Variants in RBM6 observed in about 807,000 individuals in gnomAD.
The protein encoded by RBM6 is RNA-binding protein 6.
A neutral mutation model predicts 140.4 loss-of-function variants in RBM6; 23 were observed. The observed-to-expected ratio is 0.16, with a 90% confidence interval of 0.12 to 0.23. The LOEUF (loss-of-function observed/expected upper bound fraction) is 0.23, where lower values mean the gene tolerates loss of function less well. RBM6 is among the 10% of genes least tolerant of loss of function. The pLI, the probability that RBM6 is intolerant of heterozygous loss-of-function variation, is 1.00. For missense variants in RBM6, 1,139 were observed against 1,386.7 expected (o/e 0.82, Z 2.84); for synonymous variants, 439 against 475.6 (o/e 0.92, Z 1.00).
intron 17 of RBM6, among the ~76,000 whole-genome samples, chr3:50,067,151 C>A (rs1228947430): frequency 1.4e-5 from 2 of 141,548 alleles, no homozygotes; most frequent in Non-Finnish European, 3.0e-5. Context: ...CACACCACTG[C>A]ACTCCAGCCT....
In RBM6 at chr3:50,058,423, A is replaced by G. The variant is rs890446316; in HGVS notation, c.1991A>G (p.Tyr664Cys). 3.7e-6 allele frequency: 6 copies of G among 1,610,564 alleles called. No homozygotes were observed. Among genetic ancestry groups the G allele is most frequent in the Non-Finnish European group, 5.1e-6 (6 of 1,176,866 alleles). ...TCAGCTATCATGCTAAAGCGTATCTATCGTTCCACACCACCTGAGGTGATA... is the reference window on the plus strand; with the variant it reads ...TCAGCTATCATGCTAAAGCGTATCTGTCGTTCCACACCACCTGAGGTGATA... ...ESKTIMLKRI[Y>C]RSTPPEVIVE... The change falls in exon 10 of 21, where the codon TAT becomes TGT. Residue 664 changes from tyrosine (Y) to cysteine (C), a missense_variant. Transcript: ENST00000266022.
intron 6 of RBM6, among the ~76,000 whole-genome samples, chr3:50,043,771 A>T (rs2089065078): frequency 6.6e-6 from 1 of 151,662 alleles, no homozygotes; most frequent in Non-Finnish European, 1.5e-5. Flanking sequence ...TTTAGTAGAG[A>T]CGGGATTTCA....
In RBM6 at chr3:50,068,671, G is replaced by C. The variant is rs1413098922; in HGVS notation, c.2944-19G>C. On this transcript the variant is annotated intron_variant, in intron 17 of 20. Transcript: ENST00000266022. ...ATTGTTTCTTAGACCTATACTCATA[G>C]AATTGCCTCTCTTCTCAGCAAAACC... 3.7e-6 allele frequency: 6 copies of C among 1,611,608 alleles called. No individual in the cohort carries two copies. Among genetic ancestry groups the C allele is most frequent in the Non-Finnish European group, 5.1e-6 (6 of 1,177,894 alleles).
intron 6 of RBM6, among the ~76,000 whole-genome samples, chr3:50,007,399 C>T (rs2108757110): frequency 1.3e-5 from 2 of 151,864 alleles, no homozygotes; most frequent in African/African-American, 4.8e-5. Context: ...ATTGCCCAGG[C>T]TGATCTCGAA....
At chr3:50,069,333 C>T (rs746998743) in intron 18 of RBM6, among the ~76,000 whole-genome samples, 2 of 151,828 alleles carry the variant, frequency 1.3e-5, no homozygotes, top group Admixed American at 6.6e-5. Context: ...GGCGACATGG[C>T]GAAATCCTAT....
Position 49,967,554 on chromosome 3 carries a change from C to G in RBM6, c.129C>G (p.His43Gln), listed in dbSNP as rs1356802561. Reference sequence around the variant, plus strand: ...TTAAGAGTCATGCTCAAGAGAGACACTCTGGCAACTTTCCTGGCAGAGATT... The same window carrying G: ...TTAAGAGTCATGCTCAAGAGAGACAGTCTGGCAACTTTCCTGGCAGAGATT... ...PPLKSHAQER[H>Q]SGNFPGRDSL... The change falls in exon 3 of 21, where the codon CAC (histidine) becomes CAG (glutamine). Residue 43 changes from histidine (H) to glutamine (Q), a missense_variant. Physicochemically the swap from His to Gln is conservative, Grantham distance 24. This residue lies in a region of RBM6 where 566 missense variants were observed against 612.7 expected (regional missense o/e 0.92). Transcript: ENST00000266022. The surrounding 1 kb of genome is among the most constrained non-coding windows in gnomAD (Gnocchi z 4.0). The G allele has an allele frequency of 1.2e-6, 2 of 1,614,062 alleles. No individual in the cohort carries two copies. Among genetic ancestry groups the G allele is most frequent in the Admixed American group, 3.3e-5 (2 of 59,990 alleles).
chr3:50,008,812 A>G (rs2108761332), intron 6 of RBM6, among the ~76,000 whole-genome samples: 1 of 152,134 alleles, frequency 6.6e-6, no homozygotes. Context: ...TGGCCTTTCA[A>G]AGTGTTGGGA....
At chr3:50,007,784 C>T (rs1414321500) in intron 6 of RBM6, among the ~76,000 whole-genome samples, 3 of 152,144 alleles carry the variant, frequency 2.0e-5, no homozygotes, top group African/African-American at 2.4e-5. Flanking sequence ...CCACCCGCCT[C>T]GGCCTCCCAA....
intron 8 of RBM6, among the ~76,000 whole-genome samples, chr3:50,055,285 A>G (rs963198952): frequency 1.3e-5 from 2 of 152,122 alleles, no homozygotes; most frequent in Admixed American, 6.5e-5. Context: ...AAAATTAGCC[A>G]CAGGTGTGGT....
intron 1 of RBM6, among the ~76,000 whole-genome samples, chr3:49,961,057 A>G (rs2084258432): frequency 6.6e-6 from 1 of 151,782 alleles, no homozygotes; most frequent in South Asian, 2.1e-4. Context: ...GACTACACAT[A>G]GTCATCATGC....
chr3:49,958,164 G>A (rs565687909), intron 1 of RBM6, among the ~76,000 whole-genome samples: 2 of 152,284 alleles, frequency 1.3e-5, no homozygotes, highest in East Asian at 3.9e-4. Context: ...AGTGGCTCAC[G>A]CCTGTAATCC....
intron 6 of RBM6, among the ~76,000 whole-genome samples, chr3:50,039,308 C>T (rs2088729386): frequency 6.6e-6 from 1 of 152,084 alleles, no homozygotes; most frequent in South Asian, 2.1e-4. Flanking sequence ...CACACAATCT[C>T]GGCTCGCTGC....
chr3:49,955,890 G>A (rs1453596096), intron 1 of RBM6, among the ~76,000 whole-genome samples: 4 of 145,508 alleles, frequency 2.7e-5, no homozygotes, highest in Non-Finnish European at 6.1e-5. Context: ...GTGTGTATAT[G>A]TATATATATT....
chr3:50,054,228 C>T, intron 7 of RBM6, 107 bp from the exon 8 acceptor site: 1 of 896,074 alleles, frequency 1.1e-6, no homozygotes, highest in East Asian at 2.4e-5. Context: ...TTGAGGGGAT[C>T]TGGGATATGG....
At chr3:49,958,442 G>A (rs1443094243) in intron 1 of RBM6, among the ~76,000 whole-genome samples, 1 of 152,108 alleles carries the variant, frequency 6.6e-6, no homozygotes, top group Non-Finnish European at 1.5e-5. Flanking sequence ...CTGGCATTGC[G>A]GTGGGCACCT....
chr3:49,997,804 T>G (rs189902554), intron 5 of RBM6, among the ~76,000 whole-genome samples: 1 of 152,346 alleles, frequency 6.6e-6, no homozygotes, highest in African/African-American at 2.4e-5. Context: ...TTCAATGAGT[T>G]TGATCAAGAA....
chr3:49,998,272 T>C (rs957375393), intron 5 of RBM6, among the ~76,000 whole-genome samples: 29 of 152,250 alleles, frequency 1.9e-4, no homozygotes, highest in African/African-American at 6.8e-4. Flanking sequence ...ATCTTTGATA[T>C]TGATGCAGTG....
At chr3:49,959,422 A>G (rs1367768848) in intron 1 of RBM6, among the ~76,000 whole-genome samples, 2 of 145,928 alleles carry the variant, frequency 1.4e-5, no homozygotes, top group African/African-American at 2.5e-5. Flanking sequence ...GATGGTCTCA[A>G]TCTCCTGACC....
intron 18 of RBM6, 31 bp downstream of exon 18, chr3:50,068,795 C>T (rs2090196987): frequency 4.4e-6 from 7 of 1,588,894 alleles, no homozygotes; most frequent in Non-Finnish European, 6.0e-6. Flanking sequence ...ACTCCCTTGA[C>T]CTCAGCTCTT....
Sources: gnomAD v4.1 joint callset for allele counts (sites outside exome capture counted in the v4.1 genomes callset) on GRCh38, gnomAD v4.1.1 for gene constraint, gnomAD v4.1.1 regional missense constraint, Gnocchi (gnomAD v3.1) non-coding constraint, MANE v1.5 for transcripts, NCBI Gene and HGNC (gene_info 2026-07-23, HGNC 2026-07-21) for gene names.